KATNAL1: variants seen among roughly 807,000 people sequenced by gnomAD.
The protein encoded by KATNAL1 is katanin catalytic subunit A1 like 1.
In KATNAL1, 32 loss-of-function variants were observed where a neutral mutation model predicts 55.2. The ratio of observed to expected loss-of-function variants is 0.58; its 90% CI spans 0.44 to 0.78. The LOEUF (loss-of-function observed/expected upper bound fraction) is 0.78, where lower values mean the gene tolerates loss of function less well. Among genes scored for constraint, KATNAL1 ranks in the 30% least tolerant of loss-of-function variants. KATNAL1 has a pLI of 0.00. For missense variants in KATNAL1, 466 were observed against 600.9 expected, an observed-to-expected ratio of 0.78 and a Z score of 2.35; for synonymous variants, 193 against 193.6, an observed-to-expected ratio of 1.00 and a Z score of 0.02.
intron 4 of KATNAL1, among the ~76,000 whole-genome samples, chr13:30,250,872 T>C (rs142396531): frequency 0.021 from 3,256 of 152,266 alleles, 46 homozygotes; most frequent in Non-Finnish European, 0.033. Flanking sequence ...GGCGCAGTGG[T>C]TCACGCCTGT....
rs78354609 is a variant in KATNAL1, at chr13:30,204,434, G to C, written c.*4106C>G. On this transcript the variant is annotated 3_prime_UTR_variant, in exon 11 of 11. Transcript: ENST00000380615. ...GTCCTTCATTTTATCTCAAGTTAGG[G>C]TGGGGGGAAAGTGAATCACAGCTAC... The C allele has an allele frequency of 5.0e-4, 76 of 152,074 alleles. No individual in the cohort carries two copies. The highest frequency in any genetic ancestry group is 1.8e-3 in the African/African-American group (73 of 41,498). 9.4% of individuals were successfully genotyped at this position (152,074 alleles called of 1,614,324 possible).
intron 4 of KATNAL1, among the ~76,000 whole-genome samples, chr13:30,250,289 C>T (rs912276650): frequency 1.3e-5 from 2 of 152,214 alleles, no homozygotes; most frequent in African/African-American, 4.8e-5. Context: ...GCTGTTGTTA[C>T]ACTGTAAATA....
At chr13:30,209,676 A>G (rs1462168314) in intron 10 of KATNAL1, among the ~76,000 whole-genome samples, 3 of 152,298 alleles carry the variant, frequency 2.0e-5, no homozygotes, top group African/African-American at 7.2e-5. Context: ...TAATGCCAAC[A>G]AAAACTAAAT....
intron 4 of KATNAL1, among the ~76,000 whole-genome samples, chr13:30,247,518 T>C (rs2137441401): frequency 6.6e-6 from 1 of 152,330 alleles, no homozygotes; most frequent in South Asian, 2.1e-4. Context: ...TCATGAGGCA[T>C]ATACTCAAGT....
chr13:30,287,572 C>T (rs1881872175), intron 1 of KATNAL1, among the ~76,000 whole-genome samples: 1 of 152,200 alleles, frequency 6.6e-6, no homozygotes, highest in Non-Finnish European at 1.5e-5. Flanking sequence ...ACTACTTTTA[C>T]ACAGTAACAA....
intron 3 of KATNAL1, among the ~76,000 whole-genome samples, chr13:30,279,114 T>C (rs1309880032): frequency 6.6e-6 from 1 of 152,194 alleles, no homozygotes; most frequent in Non-Finnish European, 1.5e-5. Flanking sequence ...ACTCTGGCCA[T>C]AATAAAGCAG....
chr13:30,294,785 T>G (rs1365309089), intron 1 of KATNAL1, among the ~76,000 whole-genome samples: 1 of 152,214 alleles, frequency 6.6e-6, no homozygotes, highest in East Asian at 1.9e-4. Flanking sequence ...GGCTCTCGTG[T>G]CAGGGGCTGA....
intron 3 of KATNAL1, among the ~76,000 whole-genome samples, chr13:30,263,012 T>C (rs1879437546): frequency 6.6e-6 from 1 of 152,200 alleles, no homozygotes; most frequent in African/African-American, 2.4e-5. Flanking sequence ...ATCTAAAAGC[T>C]TATCCACCAT....
chr13:30,282,473 AC>A (rs1881432218), intron 2 of KATNAL1, among the ~76,000 whole-genome samples: 1 of 152,062 alleles, frequency 6.6e-6, no homozygotes, highest in African/African-American at 2.4e-5. Flanking sequence ...CTCAGTCCTT[AC>A]AAAAAATTTA....
At chr13:30,277,980 C>A (rs1880979541) in intron 3 of KATNAL1, among the ~76,000 whole-genome samples, 1 of 41,860 alleles carries the variant, frequency 2.4e-5, no homozygotes, top group Non-Finnish European at 4.1e-5. Context: ...GAGACTCCGT[C>A]TCAAAAAAAA....
chr13:30,235,086 G>A (rs1257920422), intron 6 of KATNAL1, among the ~76,000 whole-genome samples: 1 of 152,124 alleles, frequency 6.6e-6, no homozygotes, highest in Non-Finnish European at 1.5e-5. Context: ...AAGAACCATG[G>A]GCAATCATTC....
chr13:30,231,551 C>T, intron 6 of KATNAL1, 79 bp from the exon 7 acceptor site: 1 of 882,914 alleles, frequency 1.1e-6, no homozygotes, highest in South Asian at 3.7e-5. Flanking sequence ...TATTAATGTA[C>T]ATTGAGATTT....
chr13:30,227,405 A>G lies in KATNAL1; in HGVS notation c.1147+7T>C. On this transcript the variant is annotated splice_region_variant and intron_variant, in intron 9 of 10. Coordinates refer to ENST00000380615, the MANE Select transcript of KATNAL1 (RefSeq NM_032116.5). ...ACAGAAAGCTCAAAATAGAGAAGAC[A>G]TCATACCTGTTGGGAGAGGTATATA... The G allele has an allele frequency of 6.2e-7, 1 of 1,612,622 alleles. No homozygotes were observed. Among genetic ancestry groups the G allele is most frequent in the Non-Finnish European group, 8.5e-7 (1 of 1,179,040 alleles).
At chr13:30,241,835 T>TC in intron 4 of KATNAL1, among the ~76,000 whole-genome samples, 1 of 152,276 alleles carries the variant, frequency 6.6e-6, no homozygotes, top group South Asian at 2.1e-4. Context: ...ACTAAATGGC[T>TC]CCCTTGGACA....
At chr13:30,264,994 C>T (rs1291362246) in intron 3 of KATNAL1, among the ~76,000 whole-genome samples, 1 of 148,332 alleles carries the variant, frequency 6.7e-6, no homozygotes, top group African/African-American at 2.5e-5. Flanking sequence ...CAATGATAGA[C>T]TGGATTAAGA....
intron 3 of KATNAL1, among the ~76,000 whole-genome samples, chr13:30,259,620 C>G (rs1218499571): frequency 6.6e-6 from 1 of 152,150 alleles, no homozygotes; most frequent in Non-Finnish European, 1.5e-5. Flanking sequence ...CAGACGGCAC[C>G]TGGAAAATCG....
rs553402052 is a variant in KATNAL1 at position 30,279,908 on chromosome 13, A to C, written c.323+155T>G. On this transcript the variant is annotated intron_variant, in intron 3 of 10. Coordinates refer to ENST00000380615, the MANE Select transcript of KATNAL1 (RefSeq NM_032116.5). The stretch of plus-strand genomic sequence containing the variant: ...AGTCATTTACTTCTGTACTTTATCA[A>C]ATACAAAACTGTAAATGTATAAATG... Among the ~76,000 whole-genome samples the C allele has an allele frequency of 1.9e-4, 29 of 152,378 alleles. 1 individual carries two copies. The South Asian group carries it at 6.0e-3, about 32-fold the overall frequency.
At chr13:30,213,864 A>G (rs1483469743) in intron 9 of KATNAL1, among the ~76,000 whole-genome samples, 3 of 152,190 alleles carry the variant, frequency 2.0e-5, no homozygotes, top group Non-Finnish European at 2.9e-5. Context: ...AAACGGGCAC[A>G]AGACAGGGAT....
intron 6 of KATNAL1, 129 bp downstream of exon 6, chr13:30,240,331 T>C: frequency 1.6e-6 from 1 of 618,698 alleles, no homozygotes; most frequent in Non-Finnish European, 2.9e-6. Context: ...TCCAGGTGTT[T>C]TGGGTGTACA....
Sources: gnomAD v4.1 joint callset for allele counts (sites outside exome capture counted in the v4.1 genomes callset) on GRCh38, gnomAD v4.1.1 for gene constraint, MANE v1.5 for transcripts, NCBI Gene and HGNC (gene_info 2026-07-23, HGNC 2026-07-21) for gene names.